The following IQGAP1 variants were observed in gnomAD, a reference collection of about 807,000 sequenced individuals.
IQGAP1 encodes IQ motif containing GTPase activating protein 1.
A neutral mutation model predicts 215.6 loss-of-function variants in IQGAP1; 66 were observed. The observed-to-expected ratio is 0.31, with a 90% CI of 0.25 to 0.38. The LOEUF is 0.38. IQGAP1 is among the 10% of genes least tolerant of loss of function. The pLI is 1.00. For missense variants in IQGAP1, 1,712 were observed against 1,997.1 expected (o/e 0.86, Z 2.72); for synonymous variants, 772 against 728.7 (o/e 1.06, Z -0.96).
At chr15:90,482,305 C>A in intron 28 of IQGAP1, 24 bp downstream of exon 28, 1 of 1,607,680 alleles carries the variant, frequency 6.2e-7, no homozygotes, top group South Asian at 1.1e-5. Context: ...AGCCGGCAGA[C>A]TCCTGCCCTT....
At chr15:90,388,843 G>T (rs1319229709) in intron 1 of IQGAP1, among the ~76,000 whole-genome samples, 3 of 152,202 alleles carry the variant, frequency 2.0e-5, no homozygotes, top group Non-Finnish European at 4.4e-5. Context: ...GTCCAGACCT[G>T]TCCGGTCCCA....
At chr15:90,478,197 G>A (rs1777087124) in intron 26 of IQGAP1, among the ~76,000 whole-genome samples, 1 of 151,976 alleles carries the variant, frequency 6.6e-6, no homozygotes, top group Admixed American at 6.6e-5. Context: ...CACCATGTTG[G>A]CCAGACTGGT....
chr15:90,484,754 C>T (rs1396714272), intron 30 of IQGAP1, among the ~76,000 whole-genome samples: 1 of 152,078 alleles, frequency 6.6e-6, no homozygotes, highest in Non-Finnish European at 1.5e-5. Flanking sequence ...CATGATCTGC[C>T]CACCTCGGCC....
At chr15:90,490,061 A>G (rs868794039) in intron 33 of IQGAP1, among the ~76,000 whole-genome samples, 1 of 152,268 alleles carries the variant, frequency 6.6e-6, no homozygotes, top group South Asian at 2.1e-4. Flanking sequence ...TTGACATTAG[A>G]AAAAAGGGGA....
At chr15:90,493,648 C>T (rs944315839) in intron 35 of IQGAP1, among the ~76,000 whole-genome samples, 1 of 152,228 alleles carries the variant, frequency 6.6e-6, no homozygotes, top group Non-Finnish European at 1.5e-5. Flanking sequence ...TTTGCCATAT[C>T]TGCTTCCCAT....
chr15:90,412,812 G>A (rs1160130385), intron 2 of IQGAP1, among the ~76,000 whole-genome samples: 1 of 152,188 alleles, frequency 6.6e-6, no homozygotes, highest in East Asian at 1.9e-4. Flanking sequence ...CAAGATGGGT[G>A]TGGTACCAGA....
intron 2 of IQGAP1, among the ~76,000 whole-genome samples, chr15:90,415,196 T>A (rs748974213): frequency 6.6e-6 from 1 of 152,234 alleles, no homozygotes; most frequent in African/African-American, 2.4e-5. Flanking sequence ...AGAAATTTTC[T>A]TATAAATTAC....
rs1384459853 is a variant in IQGAP1 at position 90,439,322 on chromosome 15, T to C, written c.468-10T>C. On this transcript the variant is annotated splice_polypyrimidine_tract_variant and intron_variant, in intron 5 of 37. Coordinates refer to ENST00000268182, the MANE Select transcript of IQGAP1 (RefSeq NM_003870.4). ...GGGAGGCCTAACCTTTTGCATATTGTATCTTCTAGTTTGTACCTGTTCAAG... is the reference window on the plus strand; with the variant it reads ...GGGAGGCCTAACCTTTTGCATATTGCATCTTCTAGTTTGTACCTGTTCAAG... The C allele has an allele frequency of 6.2e-6, 10 of 1,611,234 alleles. No individual in the cohort carries two copies. Among genetic ancestry groups the C allele is most frequent in the Non-Finnish European group, 7.6e-6 (9 of 1,178,162 alleles).
intron 26 of IQGAP1, among the ~76,000 whole-genome samples, chr15:90,479,780 G>C (rs1966031103): frequency 6.6e-6 from 1 of 151,938 alleles, no homozygotes; most frequent in South Asian, 2.1e-4. Context: ...GCATCTGATT[G>C]GTTCTCAGTA....
intron 33 of IQGAP1, among the ~76,000 whole-genome samples, chr15:90,490,285 G>A (rs972260564): frequency 2.0e-5 from 3 of 152,244 alleles, no homozygotes; most frequent in Non-Finnish European, 4.4e-5. Flanking sequence ...ACCAAACCAT[G>A]CATAGAGCAA....
intron 1 of IQGAP1, 60 bp downstream of exon 1, chr15:90,388,456 G>C: frequency 1.4e-6 from 1 of 695,386 alleles, no homozygotes; most frequent in Non-Finnish European, 2.1e-6. Flanking sequence ...GACGAGGCGC[G>C]ATTTTCCTGG....
At chr15:90,487,633 G>C (rs368821809) in intron 33 of IQGAP1, 51 bp downstream of exon 33, 1 of 1,235,764 alleles carries the variant, frequency 8.1e-7, no homozygotes, top group South Asian at 1.2e-5. Context: ...AAGCTCTCCC[G>C]ATAGGCGCAT....
rs182741348 is a variant in IQGAP1 at position 90,480,914 on chromosome 15, C to T, written c.3330-1046C>T. Among the ~76,000 whole-genome samples the T allele has an allele frequency of 8.3e-3, 1,259 of 152,268 alleles. 8 individuals are homozygous for T. The highest frequency in any genetic ancestry group is 0.012 in the Non-Finnish European group (789 of 68,026). On this transcript the variant is annotated intron_variant, in intron 26 of 37. Coordinates refer to ENST00000268182, the MANE Select transcript of IQGAP1 (RefSeq NM_003870.4). ...AACTCCTGACCTCAGGTGATCCACC[C>T]GCCTCGGCCTCCCAAAGTGCTAGGA...
chr15:90,392,343 T>C (rs1964647163), intron 2 of IQGAP1, among the ~76,000 whole-genome samples: 1 of 152,232 alleles, frequency 6.6e-6, no homozygotes, highest in Admixed American at 6.5e-5. Context: ...TTTTCTCATA[T>C]GAAGTTTATA....
chr15:90,487,260 C>G (rs1054734277), intron 32 of IQGAP1, among the ~76,000 whole-genome samples, 171 bp downstream of exon 32: 13 of 152,284 alleles, frequency 8.5e-5, no homozygotes, highest in Middle Eastern at 3.4e-3. Context: ...ACTTATCTGC[C>G]TTATTTTGCT....
chr15:90,483,304 A>T, intron 28 of IQGAP1, 57 bp from the exon 29 acceptor site: 4 of 1,318,568 alleles, frequency 3.0e-6, no homozygotes, highest in Non-Finnish European at 4.3e-6. Context: ...AAAGTCATTT[A>T]TAGCTTCCTT....
intron 28 of IQGAP1, chr15:90,483,057 ATACT>A (rs1325080548): frequency 1.2e-4 from 33 of 285,416 alleles, no homozygotes; most frequent in Non-Finnish European, 1.7e-4. Flanking sequence ...ATGCCCTGAA[ATACT>A]TAATAACAGA....
intron 2 of IQGAP1, among the ~76,000 whole-genome samples, chr15:90,421,689 GGTTT>G (rs1027794928): frequency 4.0e-4 from 61 of 152,270 alleles, no homozygotes; most frequent in African/African-American, 1.3e-3. Context: ...AATTCAGCCA[GGTTT>G]GTTTGTTTGT....
Position 90,451,243 on chromosome 15 carries a change from G to A in IQGAP1, c.1163-1532G>A, listed in dbSNP as rs1248550883. On this transcript the variant is annotated intron_variant, in intron 11 of 37. Transcript: ENST00000268182. Reference sequence around the variant, plus strand: ...GACTGTCTGTCTCAGCCCATTTTACGTGGCTATAAAGGGATACTTGAAGTG... The same window carrying A: ...GACTGTCTGTCTCAGCCCATTTTACATGGCTATAAAGGGATACTTGAAGTG... Among the ~76,000 whole-genome samples, 5 of 152,156 alleles carry A rather than the reference G, an allele frequency of 3.3e-5. No homozygotes were observed. In the East Asian group the frequency reaches 5.8e-4, roughly 18 times the overall value.
Sources: gnomAD v4.1 joint callset for allele counts (sites outside exome capture counted in the v4.1 genomes callset) on GRCh38, gnomAD v4.1.1 for gene constraint, MANE v1.5 for transcripts, NCBI Gene and HGNC (gene_info 2026-07-23, HGNC 2026-07-21) for gene names.